The following CTNNA3 variants were observed in gnomAD, a reference collection of about 807,000 sequenced individuals.
CTNNA3 encodes the protein catenin alpha-3.
CTNNA3 carries 76 observed loss-of-function variants against 95.7 expected under a neutral mutation model. The ratio of observed to expected loss-of-function variants is 0.79; its 90% CI spans 0.66 to 0.96. The LOEUF (loss-of-function observed/expected upper bound fraction) is 0.96. Ranked by LOEUF, CTNNA3 falls within the 40% of genes least tolerant of loss-of-function variation. CTNNA3 has a pLI of 0.00. For synonymous variants in CTNNA3, 431 were observed against 374.4 expected, an observed-to-expected ratio of 1.15 and a Z score of -1.74; for missense variants, 1,191 against 1,089.8, an observed-to-expected ratio of 1.09 and a Z score of -1.31.
At chr10:66,512,051 T>G (rs565933808) in intron 11 of CTNNA3, among the ~76,000 whole-genome samples, 1 of 152,112 alleles carries the variant, frequency 6.6e-6, no homozygotes, top group Non-Finnish European at 1.5e-5. Context: ...ATCTGAGTGC[T>G]CTGGTGTTCG....
At chr10:66,265,082 C>T (rs923550291) in intron 13 of CTNNA3, among the ~76,000 whole-genome samples, 1 of 152,028 alleles carries the variant, frequency 6.6e-6, no homozygotes, top group African/African-American at 2.4e-5. Context: ...CACAATCCAA[C>T]CAGTTCTCTC....
intron 12 of CTNNA3, among the ~76,000 whole-genome samples, chr10:66,326,020 A>G (rs2092249537): frequency 6.6e-6 from 1 of 152,178 alleles, no homozygotes; most frequent in Admixed American, 6.5e-5. Flanking sequence ...TGCATTGTTT[A>G]ACGTAATTGA....
chr10:67,084,860 A>G (rs977335210), intron 7 of CTNNA3, among the ~76,000 whole-genome samples: 8 of 151,994 alleles, frequency 5.3e-5, no homozygotes, highest in African/African-American at 1.7e-4. Flanking sequence ...GTTATAGATT[A>G]GCAGTATAAA....
chr10:67,306,385 A>G (rs1483601127), intron 5 of CTNNA3, among the ~76,000 whole-genome samples: 1 of 152,324 alleles, frequency 6.6e-6, no homozygotes, highest in Admixed American at 6.5e-5. Context: ...AGCATGAACA[A>G]TATTCCAATA....
chr10:67,675,215 T>C (rs1317505054), intron 1 of CTNNA3, among the ~76,000 whole-genome samples: 1 of 152,134 alleles, frequency 6.6e-6, no homozygotes, highest in Non-Finnish European at 1.5e-5. Context: ...TTTAATAAAA[T>C]CTTATGATAA....
chr10:66,555,379 A>G (rs895345604), intron 10 of CTNNA3, among the ~76,000 whole-genome samples: 1 of 152,158 alleles, frequency 6.6e-6, no homozygotes, highest in Non-Finnish European at 1.5e-5. Context: ...CAGAATGCCC[A>G]GTTACGTTTA....
intron 9 of CTNNA3, among the ~76,000 whole-genome samples, chr10:66,740,013 G>T (rs1849275017): frequency 6.6e-6 from 1 of 152,220 alleles, no homozygotes; most frequent in South Asian, 2.1e-4. Context: ...AAAGGTGTTT[G>T]TTCCTGGCTG....
intron 10 of CTNNA3, among the ~76,000 whole-genome samples, chr10:66,529,867 G>A (rs553631873): frequency 5.5e-4 from 84 of 152,184 alleles, no homozygotes; most frequent in African/African-American, 2.0e-3. Context: ...GCTTTAAACT[G>A]ATTTTATGCC....
chr10:66,477,971 A>C (rs974596627), intron 11 of CTNNA3, among the ~76,000 whole-genome samples: 1 of 152,090 alleles, frequency 6.6e-6, no homozygotes, highest in Non-Finnish European at 1.5e-5. Flanking sequence ...TGAGTCAGAC[A>C]CTGCTTCTAA....
intron 7 of CTNNA3, among the ~76,000 whole-genome samples, chr10:66,915,721 T>G (rs1289763185): frequency 6.8e-6 from 1 of 146,788 alleles, no homozygotes; most frequent in Non-Finnish European, 1.5e-5. Flanking sequence ...AATATATATA[T>G]ATACACACAC....
chr10:66,801,651 T>G (rs1453731218), intron 7 of CTNNA3, among the ~76,000 whole-genome samples: 2 of 151,640 alleles, frequency 1.3e-5, no homozygotes, highest in Admixed American at 1.3e-4. Flanking sequence ...GTATTGAAAA[T>G]GTAAATATTG....
At chr10:66,913,161 C>T (rs1846297342) in intron 7 of CTNNA3, among the ~76,000 whole-genome samples, 1 of 136,510 alleles carries the variant, frequency 7.3e-6, no homozygotes, top group African/African-American at 2.7e-5. Flanking sequence ...ATGGCGTGAA[C>T]CCGGGAGGCG....
chr10:66,952,393 C>T (rs1432276251), intron 7 of CTNNA3, among the ~76,000 whole-genome samples: 1 of 152,176 alleles, frequency 6.6e-6, no homozygotes, highest in Non-Finnish European at 1.5e-5. Context: ...AGACAAAAGA[C>T]ATAAGCAACG....
intron 9 of CTNNA3, among the ~76,000 whole-genome samples, chr10:66,719,427 A>C (rs1276150751): frequency 6.6e-6 from 1 of 152,228 alleles, no homozygotes; most frequent in Non-Finnish European, 1.5e-5. Flanking sequence ...TTTTAGGAGC[A>C]AAAGATATAC....
chr10:67,498,901 C>G (rs868861725), intron 5 of CTNNA3, among the ~76,000 whole-genome samples: 4 of 152,192 alleles, frequency 2.6e-5, no homozygotes, highest in Admixed American at 6.5e-5. Context: ...TTGACTTCCT[C>G]TCTTCCTATT....
At chr10:67,022,219 T>G in intron 7 of CTNNA3, among the ~76,000 whole-genome samples, 1 of 151,940 alleles carries the variant, frequency 6.6e-6, no homozygotes, top group East Asian at 1.9e-4. Flanking sequence ...ATATAAAAGA[T>G]AGGAAATTCA....
chr10:67,746,346 T>C (rs1841374888), intron 1 of CTNNA3, among the ~76,000 whole-genome samples: 1 of 152,046 alleles, frequency 6.6e-6, no homozygotes, highest in Non-Finnish European at 1.5e-5. Context: ...CAATAAATGA[T>C]GCTGGGACAA....
chr10:65,967,512 A>C (rs77050586), intron 16 of CTNNA3, among the ~76,000 whole-genome samples: 16,353 of 152,222 alleles, frequency 0.11, 1,106 homozygotes, highest in East Asian at 0.2. Flanking sequence ...GAGCAACATA[A>C]TATGTTCTAC....
chr10:66,068,260 A>G (rs2080356501), intron 15 of CTNNA3, among the ~76,000 whole-genome samples: 1 of 152,146 alleles, frequency 6.6e-6, no homozygotes, highest in Non-Finnish European at 1.5e-5. Context: ...CCACTACAAT[A>G]TTAATTTTTT....
Sources: allele counts gnomAD v4.1 joint callset (sites outside exome capture counted in the v4.1 genomes callset), GRCh38; gene constraint gnomAD v4.1.1; transcripts MANE v1.5; gene names NCBI Gene and HGNC (gene_info 2026-07-23, HGNC 2026-07-21).